TXNL4A: variants seen among roughly 807,000 people sequenced by gnomAD.
The protein encoded by TXNL4A is thioredoxin like 4A.
TXNL4A carries 17 observed loss-of-function variants against 14.6 expected under a neutral mutation model. That is an observed-to-expected ratio of 1.16 (90% CI 0.80 to 1.74). The LOEUF (loss-of-function observed/expected upper bound fraction) is 1.74, where lower values mean the gene tolerates loss of function less well. TXNL4A is among the 40% of genes most tolerant of loss of function. The pLI is 0.00. For synonymous variants in TXNL4A, 83 were observed against 70.6 expected (o/e 1.18, Z -0.88); for missense variants, 74 against 195.2 (o/e 0.38, Z 3.70).
intron 1 of TXNL4A, among the ~76,000 whole-genome samples, chr18:80,031,226 C>G (rs1323817709): frequency 2.0e-5 from 3 of 152,202 alleles, no homozygotes; most frequent in Admixed American, 6.5e-5. Flanking sequence ...CACCCAGGAC[C>G]TGTGGCCAAA....
At chr18:79,985,552 T>G (rs2051534202) in intron 1 of TXNL4A, among the ~76,000 whole-genome samples, 1 of 152,202 alleles carries the variant, frequency 6.6e-6, no homozygotes, top group Admixed American at 6.5e-5. Flanking sequence ...AGTGCCCAGA[T>G]GAAAACTTTA....
chr18:80,006,209 C>A (rs1167589092), intron 1 of TXNL4A, among the ~76,000 whole-genome samples: 1 of 151,982 alleles, frequency 6.6e-6, no homozygotes, highest in Non-Finnish European at 1.5e-5. Context: ...TATGGTGAAA[C>A]CTTGTCTCTA....
rs1054028766 is a variant in TXNL4A at position 79,982,923 on chromosome 18, A to G, written c.154-5222T>C. Among the ~76,000 whole-genome samples, 1 of 152,146 alleles carries G rather than the reference A, an allele frequency of 6.6e-6. No individual in the cohort carries two copies. The highest frequency in any genetic ancestry group is 1.5e-5 in the Non-Finnish European group (1 of 68,024). ...TGGTGGCGACATTTCCACGGTAACC[A>G]AGCGCTTGGAGGAGGAGCTGGGTGA... On this transcript the variant is annotated intron_variant, in intron 1 of 2. Coordinates refer to ENST00000269601, the MANE Select transcript of TXNL4A (RefSeq NM_006701.5). This position sits in a 1 kb window ranked among gnomAD's most constrained non-coding sequence, Gnocchi z 4.0.
chr18:80,020,576 C>T (rs1024768127), intron 1 of TXNL4A, among the ~76,000 whole-genome samples: 4 of 152,160 alleles, frequency 2.6e-5, no homozygotes, highest in African/African-American at 9.7e-5. Flanking sequence ...ACTCCCAAGG[C>T]TATTCCCTTT....
chr18:80,025,277 ACTCT>A (rs975535599), intron 1 of TXNL4A, among the ~76,000 whole-genome samples: 3 of 151,986 alleles, frequency 2.0e-5, no homozygotes, highest in Admixed American at 1.3e-4. Context: ...CTAATCAAGA[ACTCT>A]CTAATCTTTT....
intron 1 of TXNL4A, among the ~76,000 whole-genome samples, chr18:80,023,919 C>G: frequency 6.6e-6 from 1 of 152,192 alleles, no homozygotes. Context: ...GTCTCCTGGG[C>G]ACGTCCTTAA....
chr18:80,003,325 A>G (rs1010323858), intron 1 of TXNL4A, among the ~76,000 whole-genome samples: 1 of 152,220 alleles, frequency 6.6e-6, no homozygotes. Context: ...ACACCCCACC[A>G]GGTGACTTCA....
At chr18:80,016,302 T>C (rs2051809091) in intron 1 of TXNL4A, among the ~76,000 whole-genome samples, 2 of 152,188 alleles carry the variant, frequency 1.3e-5, no homozygotes, top group South Asian at 4.2e-4. Context: ...TTTTCTCCCA[T>C]TTTGTAGGCT....
chr18:80,025,542 A>G (rs937913186), intron 1 of TXNL4A, among the ~76,000 whole-genome samples: 2 of 152,200 alleles, frequency 1.3e-5, no homozygotes, highest in African/African-American at 2.4e-5. Flanking sequence ...TCCTATGGAG[A>G]TTTCTCTTAT....
chr18:79,975,264 T>C (rs1032631285), intron 2 of TXNL4A, among the ~76,000 whole-genome samples: 2 of 152,234 alleles, frequency 1.3e-5, no homozygotes, highest in African/African-American at 4.8e-5. Flanking sequence ...CTGTCTTATC[T>C]GACATTAGGC....
chr18:80,018,170 G>T (rs1235147101), intron 1 of TXNL4A, among the ~76,000 whole-genome samples: 7 of 152,166 alleles, frequency 4.6e-5, no homozygotes, highest in African/African-American at 1.7e-4. Context: ...TAGAACTCAG[G>T]ATTAAGAAAC....
At chr18:79,997,897 T>C (rs1257223765) in intron 1 of TXNL4A, among the ~76,000 whole-genome samples, 1 of 152,180 alleles carries the variant, frequency 6.6e-6, no homozygotes, top group Non-Finnish European at 1.5e-5. Flanking sequence ...GTCAAAGGAC[T>C]GAGTATTAAC....
intron 1 of TXNL4A, among the ~76,000 whole-genome samples, chr18:80,015,355 AATTATT>A (rs60860228): frequency 4.0e-5 from 6 of 148,486 alleles, no homozygotes; most frequent in Admixed American, 6.7e-5. Context: ...TTTTTTAAAA[AATTATT>A]ATTATTATTA....
chr18:79,992,369 G>T (rs1251228434), upstream of TXNL4A, among the ~76,000 whole-genome samples: 1 of 152,202 alleles, frequency 6.6e-6, no homozygotes, highest in African/African-American at 2.4e-5. Context: ...TCTTTAGAGA[G>T]AAACATTTAA....
intron 1 of TXNL4A, among the ~76,000 whole-genome samples, chr18:80,004,829 T>C (rs1220526214): frequency 6.6e-6 from 1 of 152,048 alleles, no homozygotes; most frequent in African/African-American, 2.4e-5. Context: ...AGACCCAGAA[T>C]AGGAATGCAT....
At chr18:79,987,509 T>G (rs1295959445) in intron 1 of TXNL4A, among the ~76,000 whole-genome samples, 1 of 152,130 alleles carries the variant, frequency 6.6e-6, no homozygotes, top group Admixed American at 6.6e-5. Context: ...CTAGTATTTG[T>G]GCCCTTTGCC....
intron 1 of TXNL4A, chr18:79,986,704 G>A (rs1315376309): frequency 8.1e-6 from 8 of 985,486 alleles, no homozygotes; most frequent in Non-Finnish European, 9.6e-6. Flanking sequence ...CTAGCCTCGA[G>A]CTGCCGGCAG....
rs56918597 is a variant in TXNL4A, at chr18:79,973,898, T to C, written c.258-42A>G. 1.7e-4 allele frequency: 274 copies of C among 1,595,372 alleles called. 5 individuals are homozygous for C. The East Asian group carries it at 3.0e-3, about 18-fold the overall frequency. ...GGGCATCCATTCTCATAGAAGTCTC[T>C]TTAAAAAAGAATTCCTTGAAAACAA... On this transcript the variant is annotated intron_variant, in intron 2 of 2. Coordinates refer to ENST00000269601, the MANE Select transcript of TXNL4A (RefSeq NM_006701.5).
At chr18:80,026,259 A>C (rs1010493598) in intron 1 of TXNL4A, among the ~76,000 whole-genome samples, 14 of 152,232 alleles carry the variant, frequency 9.2e-5, no homozygotes, top group African/African-American at 3.4e-4. Context: ...ATGCATGTAC[A>C]GCTAAAGCAA....
Sources: allele counts gnomAD v4.1 joint callset (sites outside exome capture counted in the v4.1 genomes callset), GRCh38; gene constraint gnomAD v4.1.1; non-coding constraint Gnocchi (gnomAD v3.1); transcripts MANE v1.5; gene names NCBI Gene and HGNC (gene_info 2026-07-23, HGNC 2026-07-21).